The following CHST15 variants were observed in gnomAD, a reference collection of about 807,000 sequenced individuals.
CHST15 encodes the protein B cell RAG associated protein (GALNAC4S-6ST).
In CHST15, 30 loss-of-function variants were observed where a neutral mutation model predicts 53.6. The ratio of observed to expected loss-of-function variants is 0.56; its 90% CI spans 0.42 to 0.76. CHST15 has a LOEUF of 0.76. Ranked by LOEUF, CHST15 falls within the 30% of genes least tolerant of loss-of-function variation. The pLI is 0.00. For synonymous variants in CHST15, 296 were observed against 289.8 expected, an observed-to-expected ratio of 1.02 and a Z score of -0.22; for missense variants, 627 against 740.5, an observed-to-expected ratio of 0.85 and a Z score of 1.78.
intron 6 of CHST15, among the ~76,000 whole-genome samples, chr10:124,013,612 G>A (rs1189902909): frequency 6.6e-6 from 1 of 152,204 alleles, no homozygotes; most frequent in Non-Finnish European, 1.5e-5. Context: ...ACCTGAAGGT[G>A]GGTTGGAGAA....
At chr10:124,039,020 G>A (rs568200033) in intron 4 of CHST15, among the ~76,000 whole-genome samples, 2 of 152,324 alleles carry the variant, frequency 1.3e-5, no homozygotes, top group South Asian at 4.1e-4. Flanking sequence ...TTTGCTCACA[G>A]TGCACAGCTC....
chr10:124,069,792 G>A (rs148530020), intron 1 of CHST15, among the ~76,000 whole-genome samples: 313 of 152,322 alleles, frequency 2.1e-3, no homozygotes, highest in Non-Finnish European at 3.5e-3. Context: ...GAGGAAGGAC[G>A]CAGATTTTTC....
chr10:124,012,797 T>C (rs1469970746), intron 6 of CHST15, among the ~76,000 whole-genome samples: 1 of 152,162 alleles, frequency 6.6e-6, no homozygotes, highest in African/African-American at 2.4e-5. Context: ...GGTGTACATG[T>C]TCCTCGCACA....
intron 1 of CHST15, among the ~76,000 whole-genome samples, chr10:124,065,372 G>T (rs186598800): frequency 2.5e-4 from 38 of 152,292 alleles, no homozygotes; most frequent in Admixed American, 2.5e-3. Flanking sequence ...GACAGAGCAA[G>T]ACCGTATCTC....
chr10:124,033,786 C>T (rs1420519623), intron 5 of CHST15, among the ~76,000 whole-genome samples: 3 of 152,186 alleles, frequency 2.0e-5, no homozygotes, highest in Non-Finnish European at 4.4e-5. Context: ...GGGAGCAGGT[C>T]CTTCTGCAGT....
chr10:124,083,392 C>G (rs1564916371), intron 1 of CHST15, among the ~76,000 whole-genome samples: 2 of 152,294 alleles, frequency 1.3e-5, no homozygotes, highest in South Asian at 4.1e-4. Flanking sequence ...GCAACTGAAG[C>G]TTCATCTTCT....
intron 1 of CHST15, among the ~76,000 whole-genome samples, chr10:124,089,200 C>T (rs1042833585): frequency 6.6e-6 from 1 of 152,178 alleles, no homozygotes; most frequent in African/African-American, 2.4e-5. Context: ...GCGTGATTCT[C>T]ACCAGTGACT....
In CHST15 at chr10:124,045,874, G is replaced by A. The variant is rs142055078; in HGVS notation, c.339C>T (p.Tyr113=). 5.4e-4 allele frequency: 872 copies of A among 1,613,922 alleles called. 3 individuals are homozygous for A. In the African/African-American group the frequency reaches 9.1e-3, roughly 17 times the overall value. ...AGCTGGGGTTGCTGGGGAAGCCTCCGTAATGGAAAGGTGATGAGATCAGAA... is the reference window on the plus strand; with the variant it reads ...AGCTGGGGTTGCTGGGGAAGCCTCCATAATGGAAAGGTGATGAGATCAGAA... ...QELLISSPFH[Y]GGFPSNPSLM... The change falls in exon 2 of 8, where the codon TAC becomes TAT. Residue 113 remains tyrosine (Y), a synonymous_variant. Transcript: ENST00000435907.
Position 124,046,068 on chromosome 10 carries a change from T to C in CHST15, c.145A>G (p.Ser49Gly), listed in dbSNP as rs778034096. The C allele has an allele frequency of 3.7e-6, 6 of 1,614,148 alleles. No individual in the cohort carries two copies. In the Admixed American group the frequency reaches 5.0e-5, roughly 13 times the overall value. The change falls in exon 2 of 8, where the codon AGT becomes GGT. Residue 49 changes from serine to glycine, a missense_variant. Coordinates refer to ENST00000435907, the MANE Select transcript of CHST15 (RefSeq NM_001270764.2). ...ACAGCAAGCAAGTTCATCTGCTTACTGTCCACACGAAACAGAATTTTGTTT... is the reference window on the plus strand; with the variant it reads ...ACAGCAAGCAAGTTCATCTGCTTACCGTCCACACGAAACAGAATTTTGTTT... ...GENKILFRVD[S>G]KQMNLLAVLE...
Position 124,042,334 on chromosome 10 carries a change from T to G in CHST15, c.1000A>C (p.Lys334Gln), listed in dbSNP as rs897867340. 1.2e-6 allele frequency: 2 copies of G among 1,613,924 alleles called. No homozygotes were observed. The highest frequency in any genetic ancestry group is 2.7e-5 in the African/African-American group (2 of 74,912). ...IHQGLQASSA[K>Q]EQSKMNTIII... Reference sequence around the variant, plus strand: ...ATTGTATTCATCTTGCTCTGCTCCTTTGCAGAGCTGGCCTGCAGTCCTTGA... The same window carrying G: ...ATTGTATTCATCTTGCTCTGCTCCTGTGCAGAGCTGGCCTGCAGTCCTTGA... The change falls in exon 4 of 8, where the codon AAG becomes CAG. Residue 334 changes from lysine to glutamine, a missense_variant. By Grantham distance (53) the Lys-to-Gln change is moderately conservative. Around this residue, in one of 3 missense-constraint regions of CHST15, gnomAD observed 279 missense variants for 371.6 expected, o/e 0.75. Coordinates refer to ENST00000435907, the MANE Select transcript of CHST15 (RefSeq NM_001270764.2).
At chr10:124,039,988 G>T (rs553347093) in intron 4 of CHST15, among the ~76,000 whole-genome samples, 1 of 152,260 alleles carries the variant, frequency 6.6e-6, no homozygotes, top group South Asian at 2.1e-4. Context: ...ATCACATCCA[G>T]GTGAACAGCT....
chr10:124,070,025 C>G lies in CHST15; in HGVS notation c.-512-23301G>C, dbSNP rs1193645116. On this transcript the variant is annotated intron_variant, in intron 1 of 7. Transcript: ENST00000435907. ...CATGCAGAAAATGGTGATGTCCCCC[C>G]CAGCACGTTGTCAGGAACAAATGAT... Among the ~76,000 whole-genome samples the G allele has an allele frequency of 7.2e-5, 11 of 152,166 alleles. No individual in the cohort carries two copies. The East Asian group carries it at 9.6e-4, about 13-fold the overall frequency.
intron 3 of CHST15, 111 bp downstream of exon 3, chr10:124,044,469 G>A (rs537602264): frequency 4.6e-6 from 4 of 860,564 alleles, no homozygotes; most frequent in South Asian, 4.0e-5. Flanking sequence ...CAAGGGAATT[G>A]TGCCATCTCT....
chr10:124,045,126 A>ACAAAAACAAAAAC (rs1564882088), intron 2 of CHST15, among the ~76,000 whole-genome samples: 1 of 128,664 alleles, frequency 7.8e-6, no homozygotes, highest in African/African-American at 3.1e-5. Flanking sequence ...AAAAAAAAAA[A>ACAAAAACAAAAAC]AAAAAAAAAA....
chr10:124,037,347 C>A (rs138493474), intron 5 of CHST15, among the ~76,000 whole-genome samples: 2 of 152,128 alleles, frequency 1.3e-5, no homozygotes, highest in South Asian at 2.1e-4. Flanking sequence ...CTTTAAATAT[C>A]GCCAGCCTCT....
At chr10:124,093,113 G>C (rs981821009) in intron 1 of CHST15, among the ~76,000 whole-genome samples, 4 of 151,564 alleles carry the variant, frequency 2.6e-5, no homozygotes, top group African/African-American at 9.7e-5. Flanking sequence ...GGCGCCCGGA[G>C]CGCGGCCAGG....
At position 124,019,776 on chromosome 10, in the gene CHST15, G is replaced by C. The variant is rs1365394148; in HGVS notation, c.1347+1480C>G. 1.0e-6 allele frequency: 1 copy of C among 985,174 alleles called. No individual in the cohort carries two copies. Among genetic ancestry groups the C allele is most frequent in the East Asian group, 1.1e-4 (1 of 8,816 alleles). 61.0% of individuals were successfully genotyped at this position (985,174 alleles called of 1,614,324 possible). On this transcript the variant is annotated intron_variant, in intron 6 of 7. Coordinates refer to ENST00000435907, the MANE Select transcript of CHST15 (RefSeq NM_001270764.2). This position sits in a 1 kb window ranked among gnomAD's most constrained non-coding sequence, Gnocchi z 4.6. Reference sequence around the variant, plus strand: ...CTCTGAGGGGTCCCATCTCTCTCAGGGTGATGTCTAGACTTCTTCTGAGGC... The same window carrying C: ...CTCTGAGGGGTCCCATCTCTCTCAGCGTGATGTCTAGACTTCTTCTGAGGC...
chr10:124,040,710 C>A (rs1338408271), intron 4 of CHST15, among the ~76,000 whole-genome samples: 1 of 152,234 alleles, frequency 6.6e-6, no homozygotes, highest in Admixed American at 6.5e-5. Flanking sequence ...AGTCCAGGAA[C>A]AGGAAAAATG....
intron 6 of CHST15, chr10:124,020,895 C>G (rs973001323): frequency 1.8e-5 from 23 of 1,283,698 alleles, no homozygotes; most frequent in African/African-American, 3.0e-5. Context: ...CAAAACAATC[C>G]ACCGCTCAAG....
Sources: allele counts gnomAD v4.1 joint callset (sites outside exome capture counted in the v4.1 genomes callset), GRCh38; gene constraint gnomAD v4.1.1; regional missense constraint gnomAD v4.1.1; non-coding constraint Gnocchi (gnomAD v3.1); transcripts MANE v1.5; gene names NCBI Gene and HGNC (gene_info 2026-07-23, HGNC 2026-07-21).